Variants in SP100 observed in about 807,000 individuals in gnomAD.
SP100 encodes SP100 nuclear body protein.
In SP100, 84 loss-of-function variants were observed where a neutral mutation model predicts 130.0. That is an observed-to-expected ratio of 0.65 (90% CI 0.54 to 0.77). The LOEUF is 0.77. Among genes scored for constraint, SP100 ranks in the 30% least tolerant of loss-of-function variants. SP100 has a pLI of 0.00. For missense variants in SP100, 978 were observed against 1,052.2 expected (o/e 0.93, Z 0.97); for synonymous variants, 331 against 351.7 (o/e 0.94, Z 0.66).
At chr2:230,421,516 T>TATAC (rs2062769553) in intron 2 of SP100, among the ~76,000 whole-genome samples, 1 of 149,776 alleles carries the variant, frequency 6.7e-6, no homozygotes, top group Admixed American at 6.7e-5. Context: ...TATATATATA[T>TATAC]ATATATCCTA....
rs115693665 is a variant in SP100, at chr2:230,532,690, T to A, written c.2095-6577T>A. 6.8e-3 allele frequency among the ~76,000 whole-genome samples: 1,032 copies of A among 152,352 alleles called. 12 individuals carry two copies. The highest frequency in any genetic ancestry group is 0.023 in the African/African-American group (956 of 41,588). ...AAAGTTACCTAATCAGTTGTCAGTA[T>A]TGTAACTGATTAGAAAGTTACCTAA... is the stretch of plus-strand genomic sequence containing the variant. On this transcript the variant is annotated intron_variant, in intron 24 of 28. Coordinates refer to ENST00000340126, the MANE Select transcript of SP100 (RefSeq NM_001080391.2).
chr2:230,503,172 TG>T (rs2150066427), intron 20 of SP100, 62 bp downstream of exon 20: 2 of 1,228,682 alleles, frequency 1.6e-6, no homozygotes, highest in East Asian at 4.8e-5. Context: ...TATTCTGTAC[TG>T]TGAGTAACAA....
rs1692264905 is a variant in SP100, at chr2:230,544,632, C to A, written c.*1686C>A. Among the ~76,000 whole-genome samples the A allele has an allele frequency of 6.6e-6, 1 of 152,190 alleles. No individual in the cohort carries two copies. Among genetic ancestry groups the A allele is most frequent in the South Asian group, 2.1e-4 (1 of 4,834 alleles). ...CCTCCCAGGTGGCTGGGATTACAGGCATGCACCACCTGACTGATTTTGTAT... is the reference window on the plus strand; with the variant it reads ...CCTCCCAGGTGGCTGGGATTACAGGAATGCACCACCTGACTGATTTTGTAT... On this transcript the variant is annotated 3_prime_UTR_variant, in exon 29 of 29. Transcript: ENST00000340126.
chr2:230,539,253 A>T lies in SP100; in HGVS notation c.2095-14A>T, dbSNP rs780277434. 1 of 1,576,810 alleles carries T rather than the reference A, an allele frequency of 6.3e-7. No individual in the cohort carries two copies. The highest frequency in any genetic ancestry group is 1.3e-5 in the African/African-American group (1 of 74,244). On this transcript the variant is annotated splice_polypyrimidine_tract_variant and intron_variant, in intron 24 of 28. Transcript: ENST00000340126. ...TCTCACTGATCCCGGTGATGTCTAC[A>T]TCTCCCCTTCTAGCCGGAAAACTCA...
rs1280624286 is a variant in SP100, at chr2:230,443,135, C to T, written c.270+36C>T. The T allele has an allele frequency of 2.5e-6, 4 of 1,602,620 alleles. No individual in the cohort carries two copies. The Admixed American group carries it at 5.1e-5, about 20-fold the overall frequency. On this transcript the variant is annotated intron_variant, in intron 3 of 28. Transcript: ENST00000340126. ...TTTATTATGTCACAATCTGGTAAAG[C>T]AGCCCCAAAATAAGTTATGCTTTGA...
chr2:230,470,082 C>T lies in SP100; in HGVS notation c.1413C>T (p.Ser471=), dbSNP rs1322968660. 1.2e-6 allele frequency: 2 copies of T among 1,609,558 alleles called. No individual in the cohort carries two copies. The highest frequency in any genetic ancestry group is 1.7e-6 in the Non-Finnish European group (2 of 1,177,674). Reference sequence around the variant, plus strand: ...AGCTTCAGGAAACCTGCAGCTCATCCCTAAGAAGAGGGTCAGGTAAAGAAG... The same window carrying T: ...AGCTTCAGGAAACCTGCAGCTCATCTCTAAGAAGAGGGTCAGGTAAAGAAG... ...GEELQETCSS[S]LRRGSGSQPQ... Residue 471 remains serine, a synonymous_variant, in exon 15 of 29, where the codon TCC becomes TCT. Transcript: ENST00000340126.
At chr2:230,528,151 T>C (rs1030909388) in intron 24 of SP100, among the ~76,000 whole-genome samples, 5 of 152,230 alleles carry the variant, frequency 3.3e-5, no homozygotes, top group African/African-American at 1.2e-4. Context: ...ACATCACACC[T>C]ATTCTAGAAG....
Position 230,444,275 on chromosome 2 carries a change from A to T in SP100, c.368A>T (p.Glu123Val). Reference sequence around the variant, plus strand: ...AAGACATTTAACCTGCCAGTTCTGGAAGCACTGTTCAGCGATGTCAACATG... The same window carrying T: ...AAGACATTTAACCTGCCAGTTCTGGTAGCACTGTTCAGCGATGTCAACATG... ...LEKTFNLPVL[E>V]ALFSDVNMQE... Residue 123 changes from glutamate to valine, a missense_variant, in exon 4 of 29, where the codon GAA becomes GTA. Physicochemically the swap from Glu to Val is moderately radical, Grantham distance 121. Coordinates refer to ENST00000340126, the MANE Select transcript of SP100 (RefSeq NM_001080391.2). 1 of 1,613,886 alleles carries T rather than the reference A, an allele frequency of 6.2e-7. No homozygotes were observed. The highest frequency in any genetic ancestry group is 8.5e-7 in the Non-Finnish European group (1 of 1,179,750).
chr2:230,476,674 T>C (rs901049468), intron 17 of SP100, among the ~76,000 whole-genome samples: 1 of 152,240 alleles, frequency 6.6e-6, no homozygotes, highest in Non-Finnish European at 1.5e-5. Flanking sequence ...TCTTGCTTTT[T>C]AAACTAATAT....
chr2:230,514,949 G>T, intron 24 of SP100: 1 of 1,366,542 alleles, frequency 7.3e-7, no homozygotes, highest in Non-Finnish European at 9.8e-7. Context: ...GCTCCATAGA[G>T]ATAGTGCTGG....
chr2:230,532,583 C>T (rs779184740), intron 24 of SP100, among the ~76,000 whole-genome samples: 4 of 151,472 alleles, frequency 2.6e-5, no homozygotes, highest in Non-Finnish European at 5.9e-5. Context: ...CCCAAGCCTT[C>T]TATCACTGTT....
intron 2 of SP100, among the ~76,000 whole-genome samples, chr2:230,436,959 C>T (rs1338407981): frequency 7.5e-6 from 1 of 134,026 alleles, no homozygotes; most frequent in Non-Finnish European, 1.7e-5. Context: ...TGTGTATACA[C>T]ACACATATAT....
chr2:230,478,556 C>T (rs868237707), intron 17 of SP100, among the ~76,000 whole-genome samples: 13 of 152,202 alleles, frequency 8.5e-5, no homozygotes, highest in Non-Finnish European at 8.8e-5. Context: ...CAATTTAACA[C>T]TTTGTCAAAT....
chr2:230,469,738 T>C, intron 14 of SP100: 2 of 1,291,766 alleles, frequency 1.5e-6, no homozygotes, highest in Non-Finnish European at 2.0e-6. Flanking sequence ...AACCACCCAA[T>C]GAAATGGATG....
At chr2:230,416,670 C>T in intron 1 of SP100, 2 of 927,532 alleles carry the variant, frequency 2.2e-6, no homozygotes, top group Non-Finnish European at 2.6e-6. Context: ...CCTCAGCCTT[C>T]CTCTACCTTC....
chr2:230,464,155 GAAT>G lies in SP100; in HGVS notation c.1141+7_1141+9del. 1.3e-6 allele frequency: 2 copies of G among 1,569,052 alleles called. No homozygotes were observed. The highest frequency in any genetic ancestry group is 1.1e-5 in the South Asian group (1 of 90,186). ...CACGACCCCAGATTGTACCAGGTAA[GAAT>G]ATTAGAGTTGCAACCCGAGACTGTA... On this transcript the variant is annotated splice_donor_region_variant and intron_variant, in intron 11 of 28. Coordinates refer to ENST00000340126, the MANE Select transcript of SP100 (RefSeq NM_001080391.2).
At chr2:230,436,407 T>C (rs1277387105) in intron 2 of SP100, among the ~76,000 whole-genome samples, 6 of 152,088 alleles carry the variant, frequency 3.9e-5, no homozygotes, top group Non-Finnish European at 7.4e-5. Context: ...CAGATGGAGG[T>C]AATTGAATCA....
chr2:230,530,499 C>G (rs1442298591), intron 24 of SP100, among the ~76,000 whole-genome samples: 3 of 152,146 alleles, frequency 2.0e-5, no homozygotes, highest in African/African-American at 4.8e-5. Context: ...CTAGGCAATA[C>G]CATTCAGGAT....
At chr2:230,456,943 T>C (rs965320545) in intron 8 of SP100, among the ~76,000 whole-genome samples, 5 of 152,260 alleles carry the variant, frequency 3.3e-5, no homozygotes, top group Non-Finnish European at 7.3e-5. Flanking sequence ...GGGAGATTAT[T>C]GTGTTCTTTT....
Sources: gnomAD v4.1 joint callset for allele counts (sites outside exome capture counted in the v4.1 genomes callset) on GRCh38, gnomAD v4.1.1 for gene constraint, MANE v1.5 for transcripts, NCBI Gene and HGNC (gene_info 2026-07-23, HGNC 2026-07-21) for gene names.